The following ST18 variants were observed in gnomAD, a reference collection of about 807,000 sequenced individuals.
ST18 encodes the protein ST18 C2H2C-type zinc finger transcription factor.
Under a neutral mutation model 110.0 loss-of-function variants are expected in ST18, and 50 were observed. The observed-to-expected ratio is 0.45, with a 90% CI of 0.36 to 0.58. ST18 has a LOEUF of 0.58. Ranked by LOEUF, ST18 falls within the 20% of genes least tolerant of loss-of-function variation. ST18 has a pLI of 0.00. For synonymous variants in ST18, 461 were observed against 452.4 expected (o/e 1.02, Z -0.24); for missense variants, 1,306 against 1,280.1 (o/e 1.02, Z -0.31).
intron 2 of ST18, among the ~76,000 whole-genome samples, chr8:52,359,861 T>C (rs762450525): frequency 3.3e-5 from 5 of 152,142 alleles, no homozygotes; most frequent in African/African-American, 9.7e-5. Context: ...CACATTAAGA[T>C]TGATAAAAGT....
At chr8:52,315,944 A>G in intron 2 of ST18, among the ~76,000 whole-genome samples, 1 of 152,218 alleles carries the variant, frequency 6.6e-6, no homozygotes, top group East Asian at 1.9e-4. Flanking sequence ...TTACCCTGAA[A>G]CATAATCACT....
At chr8:52,195,081 A>C (rs926494840) in intron 8 of ST18, among the ~76,000 whole-genome samples, 1 of 152,250 alleles carries the variant, frequency 6.6e-6, no homozygotes, top group South Asian at 2.1e-4. Flanking sequence ...TTGACAGAGC[A>C]GTTCAGCTAC....
In ST18 at chr8:52,336,242, G is replaced by A. The variant is rs182334841; in HGVS notation, c.-465+73086C>T. Among the ~76,000 whole-genome samples, 777 of 152,094 alleles carry A rather than the reference G, an allele frequency of 5.1e-3. 2 individuals carry two copies. Among genetic ancestry groups the A allele is most frequent in the Non-Finnish European group, 9.1e-3 (622 of 67,986 alleles). On this transcript the variant is annotated intron_variant, in intron 2 of 25. Coordinates refer to ENST00000689386, the MANE Select transcript of ST18 (RefSeq NM_001352837.2). ...CGGCTCACTGCAACCTCTGCCTTCC[G>A]GGTTCAAGCGATTCTCCTGCCTCAA...
chr8:52,377,457 G>A (rs1271434680), intron 2 of ST18, among the ~76,000 whole-genome samples: 1 of 152,204 alleles, frequency 6.6e-6, no homozygotes, highest in Non-Finnish European at 1.5e-5. Context: ...ATTTCATGTT[G>A]TGGTTCATGA....
At chr8:52,233,987 A>G (rs1239468369) in intron 2 of ST18, among the ~76,000 whole-genome samples, 1 of 152,082 alleles carries the variant, frequency 6.6e-6, no homozygotes, top group African/African-American at 2.4e-5. Context: ...TTTGACTAAC[A>G]TCTCCCCAGT....
intron 8 of ST18, among the ~76,000 whole-genome samples, chr8:52,197,845 T>C (rs576529112): frequency 1.1e-4 from 16 of 150,188 alleles, no homozygotes; most frequent in African/African-American, 3.9e-4. Context: ...GACACGAGAA[T>C]AGAAGATAGA....
intron 2 of ST18, among the ~76,000 whole-genome samples, chr8:52,390,378 G>A (rs967595314): frequency 3.9e-4 from 60 of 152,046 alleles, no homozygotes; most frequent in Admixed American, 3.3e-4. Flanking sequence ...CTATTTACAC[G>A]CACATCACTC....
intron 2 of ST18, among the ~76,000 whole-genome samples, chr8:52,403,124 A>C (rs1843312464): frequency 6.6e-6 from 1 of 151,708 alleles, no homozygotes; most frequent in Admixed American, 6.6e-5. Context: ...TGGATGGGGG[A>C]AATGGGGTGG....
intron 2 of ST18, among the ~76,000 whole-genome samples, chr8:52,379,444 T>C (rs1833692959): frequency 6.6e-6 from 1 of 152,220 alleles, no homozygotes; most frequent in Middle Eastern, 3.4e-3. Flanking sequence ...TAGGTAACTA[T>C]TTCCTATGCA....
intron 17 of ST18, among the ~76,000 whole-genome samples, chr8:52,142,160 G>A (rs943559050): frequency 6.6e-6 from 1 of 152,110 alleles, no homozygotes; most frequent in Non-Finnish European, 1.5e-5. Flanking sequence ...CCTGGAGATC[G>A]GTCTGGGAAA....
chr8:52,199,110 C>T (rs918397388), intron 8 of ST18: 1 of 123,306 alleles, frequency 8.1e-6, no homozygotes, highest in African/African-American at 4.3e-5. Context: ...CATTACATAA[C>T]CTTTTTTTTT....
chr8:52,363,466 G>A (rs1040351842), intron 2 of ST18, among the ~76,000 whole-genome samples: 5 of 152,064 alleles, frequency 3.3e-5, no homozygotes, highest in African/African-American at 7.2e-5. Context: ...TCATGGGCTC[G>A]GTGTGAATTA....
chr8:52,130,713 C>G (rs2049234326), intron 22 of ST18, among the ~76,000 whole-genome samples: 1 of 152,170 alleles, frequency 6.6e-6, no homozygotes, highest in South Asian at 2.1e-4. Flanking sequence ...ATCTGTTGCT[C>G]CATATCCTCA....
rs1563586105 is a variant in ST18, at chr8:52,133,066, G to A, written c.2435C>T (p.Pro812Leu). ...MTPTKEEKED[P>L]ELKCPVIGCD... ...CAACTGTTGCACTTACTTCAGTTCA[G>A]GGTCTTCTTTTTCTTCCTTGGTAGG... The change falls in exon 21 of 26, where the codon CCT becomes CTT. Residue 812 changes from proline to leucine, a missense_variant. Coordinates refer to ENST00000689386, the MANE Select transcript of ST18 (RefSeq NM_001352837.2). The A allele has an allele frequency of 1.2e-5, 20 of 1,613,996 alleles. No homozygotes were observed. The highest frequency in any genetic ancestry group is 1.7e-5 in the Non-Finnish European group (20 of 1,180,014).
chr8:52,300,060 T>G (rs915282258), intron 2 of ST18, among the ~76,000 whole-genome samples: 1 of 152,216 alleles, frequency 6.6e-6, no homozygotes, highest in African/African-American at 2.4e-5. Context: ...GGTCCCTGAT[T>G]GTAAATGGTT....
At chr8:52,211,530 C>T (rs1446930346) in intron 8 of ST18, among the ~76,000 whole-genome samples, 1 of 151,874 alleles carries the variant, frequency 6.6e-6, no homozygotes, top group African/African-American at 2.4e-5. Flanking sequence ...CCACAGCCTC[C>T]TGAGTAGCTG....
At chr8:52,235,453 G>A (rs1215623399) in intron 2 of ST18, among the ~76,000 whole-genome samples, 1 of 152,160 alleles carries the variant, frequency 6.6e-6, no homozygotes, top group Non-Finnish European at 1.5e-5. Flanking sequence ...GCTCTTGAGG[G>A]CATGGCATCT....
chr8:52,384,696 G>A (rs929284380), intron 2 of ST18, among the ~76,000 whole-genome samples: 4 of 151,886 alleles, frequency 2.6e-5, no homozygotes, highest in Admixed American at 6.6e-5. Context: ...TTGCTTCTTC[G>A]GTAGAGATGT....
intron 2 of ST18, among the ~76,000 whole-genome samples, chr8:52,337,436 G>A (rs1358558165): frequency 6.6e-6 from 1 of 152,198 alleles, no homozygotes; most frequent in East Asian, 1.9e-4. Flanking sequence ...CACCCTGGAC[G>A]AGTGAAAAGA....
Sources: allele counts gnomAD v4.1 joint callset (sites outside exome capture counted in the v4.1 genomes callset), GRCh38; gene constraint gnomAD v4.1.1; transcripts MANE v1.5; gene names NCBI Gene and HGNC (gene_info 2026-07-23, HGNC 2026-07-21).